PACRG: variants seen among roughly 807,000 people sequenced by gnomAD.
The protein encoded by PACRG is parkin coregulated, also known as parkin coregulated gene protein.
PACRG carries 29 observed loss-of-function variants against 29.7 expected under a neutral mutation model. The observed-to-expected ratio is 0.98, with a 90% confidence interval of 0.73 to 1.33. PACRG has a LOEUF of 1.33. PACRG is among the 40% of genes most tolerant of loss of function. The pLI, the probability that PACRG is intolerant of heterozygous loss-of-function variation, is 0.00. For synonymous variants in PACRG, 116 were observed against 118.7 expected, an observed-to-expected ratio of 0.98 and a Z score of 0.15; for missense variants, 279 against 316.2, an observed-to-expected ratio of 0.88 and a Z score of 0.89.
intron 4 of PACRG, among the ~76,000 whole-genome samples, chr6:163,224,464 A>G (rs1233535707): frequency 1.3e-5 from 2 of 151,850 alleles, no homozygotes; most frequent in African/African-American, 4.8e-5. Context: ...TCAAAACAGC[A>G]TGGTGCTGGC....
intron 1 of PACRG, among the ~76,000 whole-genome samples, chr6:162,780,031 G>A (rs1203525387): frequency 6.6e-6 from 1 of 152,218 alleles, no homozygotes; most frequent in Non-Finnish European, 1.5e-5. Flanking sequence ...TCACAGGACA[G>A]TATGACACAG....
chr6:163,067,388 A>G (rs958078845), intron 3 of PACRG, among the ~76,000 whole-genome samples: 5 of 152,182 alleles, frequency 3.3e-5, no homozygotes, highest in Admixed American at 2.6e-4. Context: ...GATGAATGCT[A>G]ATTTTCTCCC....
At chr6:162,896,448 C>T (rs929467766) in intron 2 of PACRG, among the ~76,000 whole-genome samples, 11 of 152,232 alleles carry the variant, frequency 7.2e-5, no homozygotes, top group Middle Eastern at 3.4e-3. Context: ...AGAACGCATC[C>T]CACGGTGCTG....
intron 2 of PACRG, among the ~76,000 whole-genome samples, chr6:162,934,079 C>T (rs940597009): frequency 1.3e-5 from 2 of 152,060 alleles, no homozygotes; most frequent in African/African-American, 4.8e-5. Context: ...GCCTGGCTAA[C>T]ATGGTGAAAC....
intron 2 of PACRG, among the ~76,000 whole-genome samples, chr6:162,939,676 CGT>C (rs56193057): frequency 0.52 from 77,911 of 149,080 alleles, 20,560 homozygotes; most frequent in Middle Eastern, 0.69. Flanking sequence ...CTGTATTTGA[CGT>C]GTGTGTGTGT....
intron 2 of PACRG, among the ~76,000 whole-genome samples, chr6:162,917,829 A>C (rs1796800457): frequency 2.0e-5 from 3 of 152,108 alleles, no homozygotes; most frequent in Admixed American, 2.0e-4. Flanking sequence ...TGAGAGAATA[A>C]AATTTTCTGA....
At chr6:163,035,608 T>C (rs1413653488) in intron 2 of PACRG, among the ~76,000 whole-genome samples, 3 of 151,598 alleles carry the variant, frequency 2.0e-5, no homozygotes, top group Non-Finnish European at 4.4e-5. Context: ...ATCATGCCAC[T>C]GCACTCCAGC....
At chr6:163,071,392 T>C (rs1034541148) in intron 3 of PACRG, among the ~76,000 whole-genome samples, 2 of 152,062 alleles carry the variant, frequency 1.3e-5, no homozygotes, top group African/African-American at 2.4e-5. Flanking sequence ...AGAGAAACTT[T>C]GGAAACTATA....
intron 1 of PACRG, among the ~76,000 whole-genome samples, chr6:162,755,875 T>A (rs1000851350): frequency 5.3e-5 from 8 of 152,328 alleles, no homozygotes; most frequent in African/African-American, 1.7e-4. Flanking sequence ...TGTTTTTTTT[T>A]AATTTCCTTT....
At chr6:163,144,286 C>G (rs1261867344) in intron 4 of PACRG, among the ~76,000 whole-genome samples, 5 of 150,136 alleles carry the variant, frequency 3.3e-5, no homozygotes, top group Non-Finnish European at 7.4e-5. Context: ...ACTGACCATG[C>G]ACTCACTCCA....
chr6:163,033,581 TATTTG>T (rs1465840866), intron 2 of PACRG, among the ~76,000 whole-genome samples: 1 of 152,248 alleles, frequency 6.6e-6, no homozygotes, highest in Non-Finnish European at 1.5e-5. Flanking sequence ...TCTGACAAAA[TATTTG>T]ATTTAAGTGC....
intron 4 of PACRG, among the ~76,000 whole-genome samples, chr6:163,102,001 CT>C (rs1562916504): frequency 3.3e-5 from 5 of 152,206 alleles, no homozygotes. Context: ...AAAACAGACA[CT>C]ATGCGGCCAC....
At chr6:162,947,635 T>TATATATATATAATC (rs1799332306) in intron 2 of PACRG, among the ~76,000 whole-genome samples, 2 of 77,844 alleles carry the variant, frequency 2.6e-5, no homozygotes, top group Non-Finnish European at 2.5e-5. Context: ...TATATATATA[T>TATATATATATAATC]ATATATATAT....
At position 163,148,206 on chromosome 6, in the gene PACRG, T is replaced by A. The variant is rs552057939; in HGVS notation, c.613+58798T>A. 3.3e-5 allele frequency among the ~76,000 whole-genome samples: 5 copies of A among 152,332 alleles called. No homozygotes were observed. In the South Asian group the frequency reaches 1.0e-3, roughly 32 times the overall value. On this transcript the variant is annotated intron_variant, in intron 4 of 4. Coordinates refer to ENST00000366888, the MANE Select transcript of PACRG (RefSeq NM_001080379.2). ...ATTGGCAGCCTGAGTGTTTTGAGCA[T>A]CCATGGCCATTAGAGGCAGTCTTTC... is the stretch of plus-strand genomic sequence containing the variant.
intron 4 of PACRG, among the ~76,000 whole-genome samples, chr6:163,301,757 T>G (rs1010992235): frequency 6.6e-6 from 1 of 152,194 alleles, no homozygotes; most frequent in Non-Finnish European, 1.5e-5. Context: ...ATAGACAAAA[T>G]AGCAGCTGCA....
intron 4 of PACRG, among the ~76,000 whole-genome samples, chr6:163,193,287 A>C (rs1194585065): frequency 1.3e-5 from 2 of 152,208 alleles, no homozygotes; most frequent in Non-Finnish European, 2.9e-5. Context: ...ACTTAGATTG[A>C]GAGAGTGAAA....
intron 4 of PACRG, among the ~76,000 whole-genome samples, chr6:163,114,951 ACAT>A (rs760515548): frequency 1.1e-4 from 16 of 152,262 alleles, no homozygotes; most frequent in Admixed American, 6.5e-4. Flanking sequence ...ATATATCAAA[ACAT>A]CATGTGTACA....
At chr6:162,988,728 G>A (rs540706834) in intron 2 of PACRG, among the ~76,000 whole-genome samples, 48 of 152,164 alleles carry the variant, frequency 3.2e-4, no homozygotes, top group Middle Eastern at 3.4e-3. Flanking sequence ...ACAAGAAAGG[G>A]AATGGTTATA....
intron 2 of PACRG, chr6:162,957,259 G>A (rs7765189): frequency 0.57 from 285,982 of 500,942 alleles, 83,570 homozygotes; most frequent in Middle Eastern, 0.69. Flanking sequence ...TGCTTATGCT[G>A]TCAACACTTT....
Sources: gnomAD v4.1 joint callset for allele counts (sites outside exome capture counted in the v4.1 genomes callset) on GRCh38, gnomAD v4.1.1 for gene constraint, MANE v1.5 for transcripts, NCBI Gene and HGNC (gene_info 2026-07-23, HGNC 2026-07-21) for gene names.